PRKD1: variants seen among roughly 807,000 people sequenced by gnomAD.
PRKD1 encodes serine/threonine-protein kinase D1.
PRKD1 carries 63 observed loss-of-function variants against 95.9 expected under a neutral mutation model. The observed-to-expected ratio is 0.66, with a 90% CI of 0.54 to 0.81. The LOEUF is 0.81. Among genes scored for constraint, PRKD1 ranks in the 30% least tolerant of loss-of-function variants. The pLI, the probability that PRKD1 is intolerant of heterozygous loss-of-function variation, is 0.00. For missense variants in PRKD1, 1,048 were observed against 1,165.3 expected (o/e 0.90, Z 1.47); for synonymous variants, 425 against 423.1 (o/e 1.00, Z -0.05).
At chr14:29,703,406 G>A (rs750006042) in intron 2 of PRKD1, among the ~76,000 whole-genome samples, 23 of 152,106 alleles carry the variant, frequency 1.5e-4, no homozygotes, top group Admixed American at 1.3e-4. Flanking sequence ...CCTGTGAATC[G>A]TTATACTCCA....
rs114101322 is a variant in PRKD1 at position 29,598,625 on chromosome 14, G to T, written c.2166+402C>A. On this transcript the variant is annotated intron_variant, in intron 15 of 17. Coordinates refer to ENST00000331968, the MANE Select transcript of PRKD1 (RefSeq NM_002742.3). The stretch of plus-strand genomic sequence containing the variant: ...CAGTCACATCAGTCAAGTCACTTCA[G>T]ACCTATAATTCCCTGCGGAGATAGC... Among the ~76,000 whole-genome samples the T allele has an allele frequency of 2.1e-3, 313 of 152,298 alleles. 1 individual carries two copies. The highest frequency in any genetic ancestry group is 6.8e-3 in the African/African-American group (284 of 41,580).
intron 13 of PRKD1, among the ~76,000 whole-genome samples, chr14:29,609,532 A>ACACACACC (rs1878289988): frequency 6.9e-6 from 1 of 144,134 alleles, no homozygotes; most frequent in Non-Finnish European, 1.5e-5. Flanking sequence ...ACACACACAC[A>ACACACACC]CACACATATA....
At chr14:29,902,757 T>C (rs1030896660) in intron 1 of PRKD1, among the ~76,000 whole-genome samples, 1 of 152,230 alleles carries the variant, frequency 6.6e-6, no homozygotes, top group African/African-American at 2.4e-5. Context: ...AGTAGTTCGT[T>C]ATTTAAATTC....
intron 16 of PRKD1, chr14:29,590,984 C>G (rs2138986417): frequency 6.6e-6 from 1 of 152,316 alleles, no homozygotes; most frequent in Admixed American, 6.5e-5. Flanking sequence ...TTCATGTTGG[C>G]CAGGCTGGTC....
intron 1 of PRKD1, among the ~76,000 whole-genome samples, chr14:29,829,458 C>T (rs909750493): frequency 2.6e-4 from 40 of 152,254 alleles, no homozygotes; most frequent in African/African-American, 9.1e-4. Flanking sequence ...AAGAGTGTCA[C>T]AGCGTGCTTT....
rs767549932 is a variant in PRKD1, at chr14:29,636,443, T to C, written c.1037A>G (p.Asp346Gly). Residue 346 changes from aspartate to glycine, a missense_variant, in exon 7 of 18, where the codon GAT (aspartate) becomes GGT (glycine). Around this residue, in one of 3 missense-constraint regions of PRKD1, gnomAD observed 739 missense variants for 861.9 expected, o/e 0.86. Coordinates refer to ENST00000331968, the MANE Select transcript of PRKD1 (RefSeq NM_002742.3). ...ESDVVMEEGS[D>G]DNDSERNSGL... ...ACTGTTCCTTTCACTATCATTGTCA[T>C]CACTCCCTTCTTCCATGACCACATC... The C allele has an allele frequency of 6.2e-7, 1 of 1,614,150 alleles. No homozygotes were observed. The highest frequency in any genetic ancestry group is 8.5e-7 in the Non-Finnish European group (1 of 1,180,032).
At position 29,873,232 on chromosome 14, in the gene PRKD1, C is replaced by T. The variant is rs140940795; in HGVS notation, c.264+54017G>A. On this transcript the variant is annotated intron_variant, in intron 1 of 17. Coordinates refer to ENST00000331968, the MANE Select transcript of PRKD1 (RefSeq NM_002742.3). Reference sequence around the variant, plus strand: ...TCCTGAGTAGCTGGGACTACAGGTGCCCGCCAACACACCTGGCTAAGTTTT... The same window carrying T: ...TCCTGAGTAGCTGGGACTACAGGTGTCCGCCAACACACCTGGCTAAGTTTT... Among the ~76,000 whole-genome samples the T allele has an allele frequency of 6.1e-3, 928 of 152,176 alleles. 7 individuals are homozygous for T. The highest frequency in any genetic ancestry group is 0.02 in the African/African-American group (842 of 41,534).
intron 1 of PRKD1, among the ~76,000 whole-genome samples, chr14:29,773,779 C>T (rs889017388): frequency 6.6e-6 from 1 of 152,138 alleles, no homozygotes; most frequent in Non-Finnish European, 1.5e-5. Context: ...GCAAGCTGCA[C>T]ACGAGACAAT....
At chr14:29,686,149 T>C (rs1262819608) in intron 2 of PRKD1, among the ~76,000 whole-genome samples, 3 of 152,206 alleles carry the variant, frequency 2.0e-5, no homozygotes, top group Non-Finnish European at 4.4e-5. Context: ...CACTGATAGC[T>C]TGAAACCTCT....
At chr14:29,817,337 T>C (rs1020323907) in intron 1 of PRKD1, among the ~76,000 whole-genome samples, 1 of 152,134 alleles carries the variant, frequency 6.6e-6, no homozygotes, top group African/African-American at 2.4e-5. Flanking sequence ...TTTTGACTTT[T>C]GAAAAGATTT....
intron 1 of PRKD1, among the ~76,000 whole-genome samples, chr14:29,899,456 G>A (rs1180606756): frequency 6.6e-6 from 1 of 152,040 alleles, no homozygotes; most frequent in Non-Finnish European, 1.5e-5. Flanking sequence ...AGAACAGCCT[G>A]GTCAACATGG....
intron 1 of PRKD1, among the ~76,000 whole-genome samples, chr14:29,745,743 T>C: frequency 6.6e-6 from 1 of 151,126 alleles, no homozygotes; most frequent in East Asian, 1.9e-4. Flanking sequence ...CCCAAAGCAC[T>C]TGGATTACAG....
chr14:29,829,542 G>T (rs1237649329), intron 1 of PRKD1, among the ~76,000 whole-genome samples: 2 of 152,128 alleles, frequency 1.3e-5, no homozygotes, highest in African/African-American at 4.8e-5. Flanking sequence ...AATTTCTAAT[G>T]CAGAGGGGAA....
At chr14:29,669,153 TAAG>T (rs1882697481) in intron 2 of PRKD1, among the ~76,000 whole-genome samples, 2 of 152,118 alleles carry the variant, frequency 1.3e-5, no homozygotes, top group South Asian at 2.1e-4. Flanking sequence ...GCTGGGAAAA[TAAG>T]AAGCCATGAA....
chr14:29,755,558 A>T (rs1337698345), intron 1 of PRKD1, among the ~76,000 whole-genome samples: 1 of 152,146 alleles, frequency 6.6e-6, no homozygotes, highest in African/African-American at 2.4e-5. Context: ...GTGTACCAAG[A>T]TAGTCCCTCA....
intron 11 of PRKD1, among the ~76,000 whole-genome samples, chr14:29,627,276 T>C (rs1260692754): frequency 1.3e-5 from 2 of 152,184 alleles, no homozygotes; most frequent in Non-Finnish European, 2.9e-5. Flanking sequence ...CCTGTATGGC[T>C]AGAATGAAAA....
chr14:29,581,650 T>A (rs1001465623), intron 16 of PRKD1, among the ~76,000 whole-genome samples: 1 of 152,170 alleles, frequency 6.6e-6, no homozygotes, highest in African/African-American at 2.4e-5. Flanking sequence ...AAAATTAACA[T>A]TTTATTTTTA....
intron 13 of PRKD1, among the ~76,000 whole-genome samples, chr14:29,609,490 T>TTTTG (rs1566483476): frequency 7.5e-6 from 1 of 132,778 alleles, no homozygotes; most frequent in Non-Finnish European, 1.6e-5. Flanking sequence ...ACTAATCTAT[T>TTTTG]TGTGTGTGTG....
intron 1 of PRKD1, among the ~76,000 whole-genome samples, chr14:29,862,272 G>A (rs958006470): frequency 4.6e-5 from 7 of 152,036 alleles, no homozygotes; most frequent in East Asian, 1.9e-4. Context: ...ATCTGTTGAC[G>A]GACACTTAGG....
Sources: allele counts gnomAD v4.1 joint callset (sites outside exome capture counted in the v4.1 genomes callset), GRCh38; gene constraint gnomAD v4.1.1; regional missense constraint gnomAD v4.1.1; transcripts MANE v1.5; gene names NCBI Gene and HGNC (gene_info 2026-07-23, HGNC 2026-07-21).